PSD3: variants seen among roughly 807,000 people sequenced by gnomAD.
PSD3 encodes PH and SEC7 domain-containing protein 3.
PSD3 carries 49 observed loss-of-function variants against 105.5 expected under a neutral mutation model. The observed-to-expected ratio is 0.46, with a 90% CI of 0.37 to 0.59. PSD3 has a LOEUF of 0.59. Among genes scored for constraint, PSD3 ranks in the 20% least tolerant of loss-of-function variants. PSD3 has a pLI of 0.00. For synonymous variants in PSD3, 557 were observed against 457.8 expected (o/e 1.22, Z -2.77); for missense variants, 1,561 against 1,263.8 (o/e 1.24, Z -3.57).
intron 4 of PSD3, among the ~76,000 whole-genome samples, chr8:18,827,391 G>C (rs1313533862): frequency 1.3e-5 from 2 of 152,166 alleles, no homozygotes; most frequent in Admixed American, 1.3e-4. Context: ...AGCAGTGCAA[G>C]AGCCAATGTC....
intron 4 of PSD3, among the ~76,000 whole-genome samples, chr8:18,857,210 G>T (rs1816080454): frequency 6.6e-6 from 1 of 152,176 alleles, no homozygotes; most frequent in African/African-American, 2.4e-5. Context: ...TGAGAACGGG[G>T]ACTGGCTCAA....
intron 1 of PSD3, among the ~76,000 whole-genome samples, chr8:18,938,900 A>T (rs896655095): frequency 6.6e-6 from 1 of 152,048 alleles, no homozygotes; most frequent in Non-Finnish European, 1.5e-5. Context: ...ATTGCGGATG[A>T]CTCCCAGGAA....
At chr8:18,575,516 T>C (rs1415119907) in intron 12 of PSD3, among the ~76,000 whole-genome samples, 2 of 152,138 alleles carry the variant, frequency 1.3e-5, no homozygotes, top group African/African-American at 4.8e-5. Flanking sequence ...TTTTTAAAAA[T>C]CAGTTTTTTT....
At chr8:18,880,965 A>G (rs368564166) in intron 2 of PSD3, among the ~76,000 whole-genome samples, 1 of 152,218 alleles carries the variant, frequency 6.6e-6, no homozygotes, top group Non-Finnish European at 1.5e-5. Context: ...AATGTAGTGT[A>G]GAGTGTGGAG....
intron 14 of PSD3, among the ~76,000 whole-genome samples, chr8:18,572,240 C>T (rs1056285977): frequency 6.6e-6 from 1 of 152,178 alleles, no homozygotes; most frequent in African/African-American, 2.4e-5. Flanking sequence ...TATGAGCTGG[C>T]AGTTAAAACA....
At chr8:18,658,320 A>C (rs540277478) in intron 9 of PSD3, among the ~76,000 whole-genome samples, 1 of 152,166 alleles carries the variant, frequency 6.6e-6, no homozygotes, top group African/African-American at 2.4e-5. Flanking sequence ...TACACTCTCA[A>C]CACAACTTCC....
At position 18,944,353 on chromosome 8, in the gene PSD3, G is replaced by A. The variant is rs11998548; in HGVS notation, c.22-8211C>T. ...GGGAGGCCAAGGCGGGCAGATGACCGGAGGTCAGGAGTTTGAGACCAGCCT... is the reference window on the plus strand; with the variant it reads ...GGGAGGCCAAGGCGGGCAGATGACCAGAGGTCAGGAGTTTGAGACCAGCCT... On this transcript the variant is annotated intron_variant, in intron 1 of 15. Transcript: ENST00000327040. 2.4e-3 allele frequency among the ~76,000 whole-genome samples: 359 copies of A among 152,154 alleles called. 1 individual carries two copies. The highest frequency in any genetic ancestry group is 8.3e-3 in the African/African-American group (345 of 41,518).
chr8:19,008,643 C>T (rs961019470), intron 1 of PSD3, among the ~76,000 whole-genome samples: 6 of 152,212 alleles, frequency 3.9e-5, no homozygotes, highest in Admixed American at 3.9e-4. Context: ...AACCAGTAAT[C>T]TCCTAGAGGC....
chr8:18,670,264 G>A (rs1202988877), intron 9 of PSD3, among the ~76,000 whole-genome samples: 2 of 152,178 alleles, frequency 1.3e-5, no homozygotes, highest in Non-Finnish European at 2.9e-5. Flanking sequence ...CGGGGCTGGT[G>A]CGGCTGGAGC....
intron 2 of PSD3, among the ~76,000 whole-genome samples, chr8:18,876,207 T>C (rs1381808529): frequency 6.6e-6 from 1 of 152,112 alleles, no homozygotes; most frequent in Non-Finnish European, 1.5e-5. Context: ...ACTACAGGTA[T>C]GCGCCACTGA....
intron 4 of PSD3, among the ~76,000 whole-genome samples, chr8:18,845,130 G>C (rs939062182): frequency 1.3e-5 from 2 of 152,128 alleles, no homozygotes; most frequent in African/African-American, 4.8e-5. Context: ...TTGTCTATTA[G>C]AATATTGCTT....
At chr8:18,926,480 G>C (rs1373836864) in intron 2 of PSD3, among the ~76,000 whole-genome samples, 1 of 151,852 alleles carries the variant, frequency 6.6e-6, no homozygotes, top group Non-Finnish European at 1.5e-5. Flanking sequence ...AAGCATGATG[G>C]GATATTTAAG....
intron 8 of PSD3, among the ~76,000 whole-genome samples, chr8:18,785,691 T>C (rs1809075258): frequency 6.6e-6 from 1 of 152,148 alleles, no homozygotes; most frequent in Admixed American, 6.5e-5. Flanking sequence ...TATCTCAGCC[T>C]CACTAAACTT....
At chr8:18,998,275 T>C (rs544958143) in intron 1 of PSD3, among the ~76,000 whole-genome samples, 17 of 151,962 alleles carry the variant, frequency 1.1e-4, no homozygotes, top group Non-Finnish European at 2.4e-4. Context: ...ATTAACCACA[T>C]ACAAAATCTG....
At chr8:18,610,377 G>A (rs941035276) in intron 11 of PSD3, among the ~76,000 whole-genome samples, 3 of 152,120 alleles carry the variant, frequency 2.0e-5, no homozygotes, top group South Asian at 2.1e-4. Flanking sequence ...CTGAGTGTTC[G>A]AACTGTATTC....
At position 18,650,828 on chromosome 8, in the gene PSD3, C is replaced by T. The variant is rs565616374; in HGVS notation, c.2216+4814G>A. Reference sequence around the variant, plus strand: ...TAATGTGCACTGTATCAAAGGCTAGCACAGAAACATTCAGACTCACTCTCT... The same window carrying T: ...TAATGTGCACTGTATCAAAGGCTAGTACAGAAACATTCAGACTCACTCTCT... On this transcript the variant is annotated intron_variant, in intron 10 of 15. Transcript: ENST00000327040. Among the ~76,000 whole-genome samples, 4 of 152,168 alleles carry T rather than the reference C, an allele frequency of 2.6e-5. No homozygotes were observed. In the South Asian group the frequency reaches 8.3e-4, roughly 32 times the overall value.
At chr8:18,792,968 C>CAT (rs1202149284) in intron 8 of PSD3, among the ~76,000 whole-genome samples, 1 of 152,154 alleles carries the variant, frequency 6.6e-6, no homozygotes, top group East Asian at 1.9e-4. Flanking sequence ...AAATGTGGCA[C>CAT]ATATACACCA....
intron 9 of PSD3, among the ~76,000 whole-genome samples, chr8:18,665,275 A>G (rs532420864): frequency 8.6e-4 from 131 of 152,374 alleles, no homozygotes; most frequent in African/African-American, 2.9e-3. Flanking sequence ...AGGTCAAAAT[A>G]TCAACATCAA....
rs148125055 is a variant in PSD3 at position 18,752,750 on chromosome 8, C to A, written c.2172+12699G>T. Among the ~76,000 whole-genome samples the A allele has an allele frequency of 1.6e-3, 226 of 137,314 alleles. 3 individuals carry two copies. In the East Asian group the frequency reaches 0.027, roughly 16 times the overall value. 90.1% of individuals were successfully genotyped at this position (137,314 alleles called of 152,430 possible). A position where few individuals can be genotyped will look rare whatever the true frequency, so the allele number is the denominator to read the frequency against. On this transcript the variant is annotated intron_variant, in intron 9 of 15. Coordinates refer to ENST00000327040, the MANE Select transcript of PSD3 (RefSeq NM_015310.4). ...TAAGTCTATACTGTATGACAAACAACCTGAAATGCAAATAACCTTTCGAGA... is the reference window on the plus strand; with the variant it reads ...TAAGTCTATACTGTATGACAAACAAACTGAAATGCAAATAACCTTTCGAGA...
Sources: allele counts gnomAD v4.1 joint callset (sites outside exome capture counted in the v4.1 genomes callset), GRCh38; gene constraint gnomAD v4.1.1; transcripts MANE v1.5; gene names NCBI Gene and HGNC (gene_info 2026-07-23, HGNC 2026-07-21).